The following HS6ST3 variants were observed in gnomAD, a reference collection of about 807,000 sequenced individuals.
The protein encoded by HS6ST3 is heparan sulfate 6-O-sulfotransferase 3, also known as heparan-sulfate 6-O-sulfotransferase 3.
In HS6ST3, 12 loss-of-function variants were observed where a neutral mutation model predicts 36.7. That is an observed-to-expected ratio of 0.33 (90% CI 0.21 to 0.53). The LOEUF is 0.53. Ranked by LOEUF, HS6ST3 falls within the 20% of genes least tolerant of loss-of-function variation. The pLI, the probability that HS6ST3 is intolerant of heterozygous loss-of-function variation, is 0.95. For synonymous variants in HS6ST3, 240 were observed against 257.5 expected (o/e 0.93, Z 0.65); for missense variants, 584 against 640.9 (o/e 0.91, Z 0.96).
chr13:96,456,962 A>G (rs529396212), intron 1 of HS6ST3, among the ~76,000 whole-genome samples: 7 of 152,098 alleles, frequency 4.6e-5, no homozygotes, highest in South Asian at 2.1e-4. Context: ...AACTTTTACT[A>G]TAGCAATCCT....
intron 1 of HS6ST3, among the ~76,000 whole-genome samples, chr13:96,732,258 T>C (rs1475092652): frequency 6.6e-6 from 1 of 152,202 alleles, no homozygotes; most frequent in Non-Finnish European, 1.5e-5. Flanking sequence ...GGTTATTTCC[T>C]TGCTATTGAG....
chr13:96,759,242 T>A (rs149435053), intron 1 of HS6ST3, among the ~76,000 whole-genome samples: 6 of 152,006 alleles, frequency 3.9e-5, no homozygotes, highest in Non-Finnish European at 7.4e-5. Context: ...TTTTACCCAG[T>A]TGGAAAATTG....
chr13:96,381,394 G>GTATCTATCTATC (rs1263272767), intron 1 of HS6ST3, among the ~76,000 whole-genome samples: 20 of 52,440 alleles, frequency 3.8e-4, no homozygotes, highest in African/African-American at 1.0e-3. Flanking sequence ...ATGTATCTAT[G>GTATCTATCTATC]TATCTATGTA....
rs1304382273 is a variant in HS6ST3 at position 96,835,757 on chromosome 13, G to GC, written c.*2563dup. ...CATGCATAACTGAGACTTGGAGGCA[G>GC]CCCCTGCTCACTTCACGCTGTTCCT... On this transcript the variant is annotated 3_prime_UTR_variant, in exon 2 of 2. Transcript: ENST00000376705. The GC allele has an allele frequency of 6.6e-6, 1 of 152,210 alleles. No homozygotes were observed. The highest frequency in any genetic ancestry group is 2.4e-5 in the African/African-American group (1 of 41,454). 9.4% of individuals were successfully genotyped at this position (152,210 alleles called of 1,614,324 possible). A position where few individuals can be genotyped will look rare whatever the true frequency, so the allele number is the denominator to read the frequency against.
intron 1 of HS6ST3, among the ~76,000 whole-genome samples, chr13:96,177,775 TTAAAAATAAA>T (rs2054219302): frequency 7.0e-5 from 2 of 28,770 alleles, no homozygotes; most frequent in African/African-American, 2.9e-4. Context: ...AAAATAAAAG[TTAAAAATAAA>T]TAAATAAATA....
At chr13:96,413,169 C>T (rs2055516490) in intron 1 of HS6ST3, among the ~76,000 whole-genome samples, 1 of 152,214 alleles carries the variant, frequency 6.6e-6, no homozygotes, top group Non-Finnish European at 1.5e-5. Flanking sequence ...GTCATTATCA[C>T]ATGACATAGT....
At chr13:96,679,261 T>C (rs1196651597) in intron 1 of HS6ST3, among the ~76,000 whole-genome samples, 2 of 151,678 alleles carry the variant, frequency 1.3e-5, no homozygotes, top group Non-Finnish European at 1.5e-5. Context: ...GCTAACATCG[T>C]AGTATCCTAA....
At chr13:96,398,412 A>T (rs1866074174) in intron 1 of HS6ST3, among the ~76,000 whole-genome samples, 1 of 152,028 alleles carries the variant, frequency 6.6e-6, no homozygotes, top group Non-Finnish European at 1.5e-5. Flanking sequence ...CCTCCCAAGT[A>T]GCTGGGATTA....
At chr13:96,410,553 T>C (rs539641406) in intron 1 of HS6ST3, among the ~76,000 whole-genome samples, 32 of 152,230 alleles carry the variant, frequency 2.1e-4, no homozygotes, top group Admixed American at 5.9e-4. Flanking sequence ...GTTGGAGTGC[T>C]ACCCCCAAGA....
chr13:96,122,110 G>A (rs547637327), intron 1 of HS6ST3, among the ~76,000 whole-genome samples: 1 of 145,168 alleles, frequency 6.9e-6, no homozygotes, highest in South Asian at 2.2e-4. Flanking sequence ...ACCCTTTCAG[G>A]TATTATTATT....
intron 1 of HS6ST3, among the ~76,000 whole-genome samples, chr13:96,790,898 A>G (rs1427414821): frequency 2.0e-5 from 3 of 152,062 alleles, no homozygotes; most frequent in Non-Finnish European, 2.9e-5. Context: ...AAACATTTAA[A>G]CATTTCCCTT....
chr13:96,508,556 G>A (rs1326133882), intron 1 of HS6ST3, among the ~76,000 whole-genome samples: 1 of 151,880 alleles, frequency 6.6e-6, no homozygotes, highest in Non-Finnish European at 1.5e-5. Context: ...AATCTCTAAG[G>A]TCTATTATAT....
At chr13:96,322,840 G>C (rs1022069002) in intron 1 of HS6ST3, among the ~76,000 whole-genome samples, 1 of 152,118 alleles carries the variant, frequency 6.6e-6, no homozygotes, top group Non-Finnish European at 1.5e-5. Flanking sequence ...TAAATCCGAT[G>C]GTCAGTGGTC....
At chr13:96,529,647 A>G (rs1320905126) in intron 1 of HS6ST3, among the ~76,000 whole-genome samples, 3 of 152,058 alleles carry the variant, frequency 2.0e-5, no homozygotes, top group African/African-American at 7.2e-5. Context: ...CATTATTCTC[A>G]AGTTTGCCTA....
chr13:96,487,716 T>G (rs2055922439), intron 1 of HS6ST3, among the ~76,000 whole-genome samples: 1 of 152,170 alleles, frequency 6.6e-6, no homozygotes, highest in African/African-American at 2.4e-5. Context: ...GATCAATATT[T>G]AAACAAAGGA....
chr13:96,329,004 A>G (rs1379736460), intron 1 of HS6ST3, among the ~76,000 whole-genome samples: 1 of 150,840 alleles, frequency 6.6e-6, no homozygotes, highest in East Asian at 1.9e-4. Context: ...GGTAGTTTGT[A>G]TTTCTGTGGG....
At chr13:96,351,660 A>G (rs573939184) in intron 1 of HS6ST3, among the ~76,000 whole-genome samples, 115 of 152,290 alleles carry the variant, frequency 7.6e-4, no homozygotes, top group African/African-American at 2.3e-3. Flanking sequence ...GAAGAAATCA[A>G]ACTGATGAAT....
intron 1 of HS6ST3, among the ~76,000 whole-genome samples, chr13:96,138,932 A>G (rs1488498133): frequency 6.6e-6 from 1 of 152,124 alleles, no homozygotes; most frequent in Non-Finnish European, 1.5e-5. Context: ...GGTATGCATG[A>G]TTATGGGTGG....
chr13:96,286,935 C>T (rs114456072), intron 1 of HS6ST3, among the ~76,000 whole-genome samples: 1,768 of 151,928 alleles, frequency 0.012, 36 homozygotes, highest in African/African-American at 0.04. Context: ...AGTGTGCATG[C>T]GTGTGAGTGT....
Sources: allele counts gnomAD v4.1 joint callset (sites outside exome capture counted in the v4.1 genomes callset), GRCh38; gene constraint gnomAD v4.1.1; transcripts MANE v1.5; gene names NCBI Gene and HGNC (gene_info 2026-07-23, HGNC 2026-07-21).